CYGB: variants seen among roughly 807,000 people sequenced by gnomAD.
CYGB encodes histoglobin.
In CYGB, 13 loss-of-function variants were observed where a neutral mutation model predicts 20.7. The observed-to-expected ratio is 0.63, with a 90% CI of 0.41 to 1.00. The LOEUF (loss-of-function observed/expected upper bound fraction) is 1.00. CYGB is among the 50% of genes least tolerant of loss of function. CYGB has a pLI of 0.00. For synonymous variants in CYGB, 93 were observed against 107.4 expected, an observed-to-expected ratio of 0.87 and a Z score of 0.83; for missense variants, 218 against 257.2, an observed-to-expected ratio of 0.85 and a Z score of 1.04.
In CYGB at chr17:76,527,913, G is replaced by C; in HGVS notation, c.*665C>G. 4.8e-6 allele frequency: 2 copies of C among 419,434 alleles called. No homozygotes were observed. Among genetic ancestry groups the C allele is most frequent in the South Asian group, 3.4e-5 (2 of 59,394 alleles). 26.0% of individuals were successfully genotyped at this position (419,434 alleles called of 1,614,324 possible). A position where few individuals can be genotyped will look rare whatever the true frequency, so the allele number is the denominator to read the frequency against. On this transcript the variant is annotated 3_prime_UTR_variant, in exon 4 of 4. Transcript: ENST00000293230. ...TGGAATTCAGGAATGTGGGGAGCTGGTCTGAGAAGGGGCTGGGCTTTGCCG... is the reference window on the plus strand; with the variant it reads ...TGGAATTCAGGAATGTGGGGAGCTGCTCTGAGAAGGGGCTGGGCTTTGCCG...
intron 1 of CYGB, among the ~76,000 whole-genome samples, chr17:76,535,119 G>C (rs1259097649): frequency 6.6e-6 from 1 of 152,230 alleles, no homozygotes; most frequent in Admixed American, 6.5e-5. Flanking sequence ...GCAGGGAATG[G>C]AAGTGTGGGG....
At chr17:76,548,344 TGAA>T (rs1307988216) in intron 1 of CYGB, among the ~76,000 whole-genome samples, 2 of 152,248 alleles carry the variant, frequency 1.3e-5, no homozygotes, top group African/African-American at 4.8e-5. Context: ...AGAAGCCATT[TGAA>T]CTAAGCATTA....
upstream of CYGB, chr17:76,540,057 T>C (rs1329435987): frequency 1.2e-5 from 17 of 1,405,546 alleles, no homozygotes; most frequent in Non-Finnish European, 1.6e-5. The surrounding 1 kb of genome is among the most constrained non-coding windows in gnomAD (Gnocchi z 5.0). Flanking sequence ...CGGCAGTGGC[T>C]CCTGAGAGCT....
Position 76,531,323 on chromosome 17 carries a change from C to T in CYGB, c.375+137G>A, listed in dbSNP as rs2074838689. 1 of 1,234,022 alleles carries T rather than the reference C, an allele frequency of 8.1e-7. No individual in the cohort carries two copies. 76.4% of individuals were successfully genotyped at this position (1,234,022 alleles called of 1,614,324 possible). On this transcript the variant is annotated intron_variant, in intron 2 of 3. Transcript: ENST00000293230. The surrounding 1 kb of genome is among the most constrained non-coding windows in gnomAD (Gnocchi z 7.4). ...TGGACCCAGCCCCTCCATCCTGCTG[C>T]CGGGCACTGCCCCTCCCTCTCGCAG... is the stretch of plus-strand genomic sequence containing the variant.
intron 1 of CYGB, among the ~76,000 whole-genome samples, chr17:76,547,673 A>T (rs1461633232): frequency 6.6e-6 from 1 of 151,832 alleles, no homozygotes; most frequent in Non-Finnish European, 1.5e-5. Flanking sequence ...ATATTCACAC[A>T]CAGAGACACC....
intron 3 of CYGB, chr17:76,529,721 G>A (rs941333159): frequency 3.0e-6 from 3 of 985,278 alleles, no homozygotes; most frequent in Non-Finnish European, 2.4e-6. Flanking sequence ...ACAGCTGGTG[G>A]GGGGTGAGGG....
intron 1 of CYGB, among the ~76,000 whole-genome samples, chr17:76,548,317 G>A (rs1403857644): frequency 6.6e-6 from 1 of 152,162 alleles, no homozygotes; most frequent in Non-Finnish European, 1.5e-5. Context: ...AATACACACA[G>A]TATCATATGC....
intron 1 of CYGB, among the ~76,000 whole-genome samples, chr17:76,547,727 T>TCA (rs574997747): frequency 3.3e-5 from 4 of 121,662 alleles, no homozygotes; most frequent in South Asian, 2.6e-4. Flanking sequence ...ACACATACAT[T>TCA]CACACACACA....
Position 76,543,120 on chromosome 17 carries a change from A to G in CYGB, c.-53+7742T>C, listed in dbSNP as rs993077289. The G allele has an allele frequency of 4.2e-6, 2 of 470,906 alleles. No individual in the cohort carries two copies. Among genetic ancestry groups the G allele is most frequent in the Admixed American group, 2.4e-5 (1 of 42,542 alleles). The allele number at this position is 470,906 out of a possible 1,614,324, so 29.2% of individuals were successfully genotyped here. On this transcript the variant is annotated intron_variant, in intron 1 of 3. Coordinates refer to the CYGB transcript ENST00000589145. ...GAATGGGGGGAAGCAGCACTAGAGA[A>G]GGTAGACGCCTCCCTCTCAGCCCGG...
intron 1 of CYGB, chr17:76,544,850 A>G: frequency 4.4e-6 from 2 of 456,786 alleles, no homozygotes; most frequent in South Asian, 3.1e-5. Context: ...AAGGTCATGG[A>G]GCTGGCTCAC....
At chr17:76,536,363 C>G (rs2074913787) in intron 1 of CYGB, among the ~76,000 whole-genome samples, 1 of 152,130 alleles carries the variant, frequency 6.6e-6, no homozygotes, top group South Asian at 2.1e-4. Context: ...AGCTGCCCTT[C>G]CAGAGCGAGG....
intron 1 of CYGB, among the ~76,000 whole-genome samples, chr17:76,536,967 C>T (rs1353627661): frequency 1.3e-5 from 2 of 152,248 alleles, no homozygotes; most frequent in African/African-American, 4.8e-5. Flanking sequence ...AGCCGCTGAG[C>T]TGGAGACAGG....
chr17:76,543,904 G>A (rs1598214852), intron 1 of CYGB: 2 of 470,948 alleles, frequency 4.2e-6, no homozygotes, highest in East Asian at 1.4e-4. Flanking sequence ...TGGGAGCAAC[G>A]GACAGCTTGT....
upstream of CYGB, among the ~76,000 whole-genome samples, chr17:76,542,199 T>TC (rs1267585441): frequency 1.3e-5 from 2 of 152,166 alleles, no homozygotes; most frequent in Non-Finnish European, 2.9e-5. Flanking sequence ...GGCCTGGACC[T>TC]CCTGGCAGGA....
At position 76,530,992 on chromosome 17, in the gene CYGB, G is replaced by A. The variant is rs746867050; in HGVS notation, c.526C>T (p.Pro176Ser). 1.2e-6 allele frequency: 2 copies of A among 1,607,718 alleles called. No homozygotes were observed. Among genetic ancestry groups the A allele is most frequent in the Non-Finnish European group, 1.7e-6 (2 of 1,176,602 alleles). ...YKEVGWVQQV[P>S]NATTPPATLP... ...CCGCCTCCTCACGTGGTGGCGTTGG[G>A]GACCTGCTGCACCCAGCCCACTTCC... Residue 176 changes from proline to serine, a missense_variant, in exon 3 of 4, where the codon CCC becomes TCC. By Grantham distance (74) the Pro-to-Ser change is moderately conservative. This residue lies in a region of CYGB where 66 missense variants were observed against 107.4 expected (regional missense o/e 0.61). Coordinates refer to ENST00000293230, the MANE Select transcript of CYGB (RefSeq NM_134268.5). The surrounding 1 kb of genome is among the most constrained non-coding windows in gnomAD (Gnocchi z 6.1).
At chr17:76,529,919 A>T (rs758355279) in intron 3 of CYGB, 159 of 984,592 alleles carry the variant, frequency 1.6e-4, no homozygotes, top group Admixed American at 3.7e-4. Context: ...GAGAGGGGGG[A>T]GGGGAGCAGG....
rs1405498573 is a variant in CYGB at position 76,531,207 on chromosome 17, C to T, written c.376-65G>A. On this transcript the variant is annotated intron_variant, in intron 2 of 3. Transcript: ENST00000293230. This position sits in a 1 kb window ranked among gnomAD's most constrained non-coding sequence, Gnocchi z 7.4. The stretch of plus-strand genomic sequence containing the variant: ...GCCCTGCGTCCTGCAACCCCCAGGC[C>T]CCTCCGCCCCACGTGTGGCCGAGAG... 7 of 1,518,340 alleles carry T rather than the reference C, an allele frequency of 4.6e-6. No homozygotes were observed. The highest frequency in any genetic ancestry group is 1.2e-5 in the South Asian group (1 of 84,376). 94.1% of individuals were successfully genotyped at this position (1,518,340 alleles called of 1,614,324 possible).
At chr17:76,537,255 C>T (rs2143120797) in intron 1 of CYGB, 145 bp downstream of exon 1, 4 of 928,294 alleles carry the variant, frequency 4.3e-6, no homozygotes, top group East Asian at 3.5e-5. Flanking sequence ...AGGCGCCCCA[C>T]GCCGCCTGCT....
intron 1 of CYGB, among the ~76,000 whole-genome samples, chr17:76,548,291 GACAT>G (rs1185593147): frequency 6.6e-6 from 1 of 152,116 alleles, no homozygotes; most frequent in Non-Finnish European, 1.5e-5. Context: ...CACACAGAGA[GACAT>G]ACACATACAC....
Sources: gnomAD v4.1 joint callset for allele counts (sites outside exome capture counted in the v4.1 genomes callset) on GRCh38, gnomAD v4.1.1 for gene constraint, gnomAD v4.1.1 regional missense constraint, Gnocchi (gnomAD v3.1) non-coding constraint, MANE v1.5 for transcripts, NCBI Gene and HGNC (gene_info 2026-07-23, HGNC 2026-07-21) for gene names.